The following DCAF8L2 variants were observed in gnomAD, a reference collection of about 807,000 sequenced individuals.
DCAF8L2 encodes the protein DDB1 and CUL4 associated factor 8 like 2.
For missense variants in DCAF8L2, 430 were observed against 490.7 expected (o/e 0.88, Z 1.17); for synonymous variants, 200 against 190.9 (o/e 1.05, Z -0.39).
chrX:27,517,780 C>T, the DCAF8L2 span: 11 of 1,132,831 alleles, frequency 9.7e-6, no homozygotes, highest in Non-Finnish European at 1.3e-5. Context: ...TTGCTTCAAA[C>T]TCATCGATAC....
chrX:27,602,415 AT>A (rs1926691601), intron 1 of DCAF8L2, among the ~76,000 whole-genome samples: 1 of 112,004 alleles, frequency 8.9e-6, no homozygotes, highest in Non-Finnish European at 1.9e-5. Flanking sequence ...AAATTTTCTA[AT>A]CTTAAAATTA....
At chrX:27,639,916 A>C (rs1202243808) in intron 2 of DCAF8L2, among the ~76,000 whole-genome samples, 33 of 111,162 alleles carry the variant, frequency 3.0e-4, no homozygotes, top group Admixed American at 3.0e-3. Flanking sequence ...ACTATTTATC[A>C]CTTTTTAAAA....
chrX:27,582,093 C>T, the DCAF8L2 span, among the ~76,000 whole-genome samples: 14 of 111,155 alleles, frequency 1.3e-4, no homozygotes, highest in Non-Finnish European at 2.6e-4. Context: ...ATTGAGGTCA[C>T]TATGTTTCAG....
rs1922336368 is a variant in DCAF8L2 at position 27,747,846 on chromosome X, C to T, written c.951C>T (p.His317=). ...YFNNTKCVAQ[H]RGPAHKLALE... is the part of the protein sequence containing the mutation. Reference sequence around the variant, plus strand: ...ACAATACTAAGTGTGTGGCCCAGCACAGGGGACCTGCCCACAAGTTGGCTC... The same window carrying T: ...ACAATACTAAGTGTGTGGCCCAGCATAGGGGACCTGCCCACAAGTTGGCTC... Residue 317 remains histidine (H), a synonymous_variant, in exon 5 of 5, where the codon CAC becomes CAT. Transcript: ENST00000451261. 8.3e-7 allele frequency: 1 copy of T among 1,208,591 alleles called. No homozygotes were observed. The highest frequency in any genetic ancestry group is 1.7e-5 in the African/African-American group (1 of 57,284).
At chrX:27,719,725 G>A (rs935919041) in intron 4 of DCAF8L2, among the ~76,000 whole-genome samples, 3 of 111,528 alleles carry the variant, frequency 2.7e-5, no homozygotes, top group South Asian at 3.7e-4. Flanking sequence ...GATAACAGGC[G>A]TGAGCCACTG....
the DCAF8L2 span, among the ~76,000 whole-genome samples, chrX:27,573,020 G>T: frequency 9.1e-6 from 1 of 109,810 alleles, no homozygotes; most frequent in Admixed American, 9.8e-5. Context: ...TGGTTTACTT[G>T]TCTAAGGTCA....
At chrX:27,643,467 C>T (rs1168357857) in intron 2 of DCAF8L2, among the ~76,000 whole-genome samples, 2 of 111,393 alleles carry the variant, frequency 1.8e-5, no homozygotes, top group Non-Finnish European at 3.8e-5. Context: ...GTGTTGATGT[C>T]GTAGTGGTCA....
intron 1 of DCAF8L2, among the ~76,000 whole-genome samples, chrX:27,620,554 G>A (rs930598669): frequency 2.7e-5 from 3 of 111,830 alleles, no homozygotes; most frequent in African/African-American, 9.7e-5. Flanking sequence ...ATGGCCGGAA[G>A]CATACAAAAC....
rs1323137913 is a variant in DCAF8L2 at position 27,747,214 on chromosome X, G to A, written c.319G>A (p.Gly107Arg). ...AAGTTTATTCCATTACCCTTTAGTG[G>A]GAGAGGAGGAGACAGAAAGGGAGGA... ...GESLFHYPLV[G>R]EEETEREEED... Residue 107 changes from glycine to arginine, a missense_variant, in exon 5 of 5, where the codon GGA (glycine) becomes AGA (arginine). By Grantham distance (125) the Gly-to-Arg change is moderately radical. Coordinates refer to ENST00000451261, the MANE Select transcript of DCAF8L2 (RefSeq NM_001353450.2). 8.6e-7 allele frequency: 1 copy of A among 1,164,949 alleles called. No individual in the cohort carries two copies. The highest frequency in any genetic ancestry group is 2.6e-5 in the Admixed American group (1 of 38,430).
chrX:27,687,591 C>T (rs1265854033), intron 3 of DCAF8L2, among the ~76,000 whole-genome samples: 3 of 112,035 alleles, frequency 2.7e-5, no homozygotes, highest in East Asian at 2.8e-4. Flanking sequence ...CAGTGGCTCA[C>T]GCCTGTAAAC....
At chrX:27,642,592 T>C (rs1286805341) in intron 2 of DCAF8L2, among the ~76,000 whole-genome samples, 1 of 111,131 alleles carries the variant, frequency 9.0e-6, no homozygotes, top group East Asian at 2.8e-4. Flanking sequence ...TTTTCTACTC[T>C]CCCATCAAAA....
chrX:27,711,192 T>C (rs1408793180), intron 3 of DCAF8L2, among the ~76,000 whole-genome samples: 1 of 110,891 alleles, frequency 9.0e-6, no homozygotes, highest in Non-Finnish European at 1.9e-5. Flanking sequence ...TGTATTATTA[T>C]TTTATATATG....
chrX:27,696,314 GAAAGAA>G (rs1340891725), intron 3 of DCAF8L2, among the ~76,000 whole-genome samples: 2 of 76,369 alleles, frequency 2.6e-5, no homozygotes, highest in Admixed American at 1.4e-4. Flanking sequence ...AAGAAAGAAA[GAAAGAA>G]AGAAAGAAAG....
chrX:27,710,364 T>G (rs1931482971), intron 3 of DCAF8L2, among the ~76,000 whole-genome samples: 1 of 111,849 alleles, frequency 8.9e-6, no homozygotes, highest in Non-Finnish European at 1.9e-5. Flanking sequence ...GTGTTGAATA[T>G]ATAGATAAAT....
At chrX:27,580,937 G>A in the DCAF8L2 span, among the ~76,000 whole-genome samples, 5 of 77,945 alleles carry the variant, frequency 6.4e-5, no homozygotes, top group African/African-American at 2.4e-4. Context: ...ATTTTAGAAA[G>A]TAAAATCATT....
chrX:27,602,553 GCAAGA>G (rs762521072), intron 1 of DCAF8L2, among the ~76,000 whole-genome samples: 4 of 111,356 alleles, frequency 3.6e-5, no homozygotes, highest in South Asian at 3.7e-4. Flanking sequence ...CTTATTGTCA[GCAAGA>G]CAAGACATGT....
chrX:27,555,387 C>G, the DCAF8L2 span, among the ~76,000 whole-genome samples: 1 of 111,920 alleles, frequency 8.9e-6, no homozygotes. Flanking sequence ...ATCATCCACT[C>G]ATTCAGGTTC....
At chrX:27,745,708 CTTAG>C (rs199646534) in intron 4 of DCAF8L2, among the ~76,000 whole-genome samples, 2,808 of 111,675 alleles carry the variant, frequency 0.025, 80 homozygotes, top group African/African-American at 0.085. Context: ...TTCTGGCCTT[CTTAG>C]TTAGCAGTTT....
chrX:27,560,068 C>A, the DCAF8L2 span, among the ~76,000 whole-genome samples: 1 of 110,226 alleles, frequency 9.1e-6, no homozygotes, highest in Non-Finnish European at 1.9e-5. Flanking sequence ...GAGATCGAGA[C>A]CATCCTGGCT....
Sources: allele counts gnomAD v4.1 joint callset (sites outside exome capture counted in the v4.1 genomes callset), GRCh38; gene constraint gnomAD v4.1.1; transcripts MANE v1.5; gene names NCBI Gene and HGNC (gene_info 2026-07-23, HGNC 2026-07-21).